Variants in PAM observed in about 807,000 individuals in gnomAD.
PAM encodes the protein peptidylglycine alpha-amidating monooxygenase.
In PAM, 72 loss-of-function variants were observed where a neutral mutation model predicts 122.1. The ratio of observed to expected loss-of-function variants is 0.59; its 90% CI spans 0.49 to 0.72. The LOEUF is 0.72. Ranked by LOEUF, PAM falls within the 30% of genes least tolerant of loss-of-function variation. The pLI is 0.00. For synonymous variants in PAM, 389 were observed against 404.4 expected (o/e 0.96, Z 0.46); for missense variants, 1,106 against 1,183.7 (o/e 0.93, Z 0.96).
intron 1 of PAM, among the ~76,000 whole-genome samples, chr5:102,828,870 A>G (rs562895116): frequency 6.6e-6 from 1 of 151,222 alleles, no homozygotes; most frequent in African/African-American, 2.4e-5. Context: ...CTGAAAATAT[A>G]TATGACTTAA....
At chr5:102,852,494 T>C (rs931296272) in intron 1 of PAM, among the ~76,000 whole-genome samples, 2 of 152,150 alleles carry the variant, frequency 1.3e-5, no homozygotes, top group African/African-American at 4.8e-5. Context: ...TAACGGTTTC[T>C]GGTTGGGATT....
intron 3 of PAM, among the ~76,000 whole-genome samples, chr5:102,881,934 T>A (rs1474402790): frequency 1.3e-5 from 2 of 150,298 alleles, no homozygotes; most frequent in Non-Finnish European, 3.0e-5. Context: ...GAACATATGA[T>A]GTTTGGTTTT....
intron 7 of PAM, among the ~76,000 whole-genome samples, chr5:102,929,941 C>A (rs969456272): frequency 1.3e-5 from 2 of 151,174 alleles, no homozygotes; most frequent in African/African-American, 4.9e-5. Flanking sequence ...CAAGACAATT[C>A]TTCTTCCAAT....
At position 102,803,751 on chromosome 5, in the gene PAM, A is replaced by G. The variant is rs146980586; in HGVS notation, c.-374+48403A>G. 6.9e-3 allele frequency among the ~76,000 whole-genome samples: 1,054 copies of G among 152,344 alleles called. 9 individuals are homozygous for G. The highest frequency in any genetic ancestry group is 0.013 in the Non-Finnish European group (880 of 68,028). On this transcript the variant is annotated intron_variant, in intron 1 of 25. Transcript: ENST00000438793. The stretch of plus-strand genomic sequence containing the variant: ...ATAGGATATAATAAATTTTGTATTT[A>G]TTTATTGAATAAGTATTTATTGAGG...
intron 3 of PAM, among the ~76,000 whole-genome samples, chr5:102,900,296 A>G (rs2151392447): frequency 6.6e-6 from 1 of 150,884 alleles, no homozygotes; most frequent in African/African-American, 2.4e-5. Context: ...AATCAGCACA[A>G]ATCCTTATTA....
chr5:102,876,183 T>C (rs1009284405), intron 3 of PAM, among the ~76,000 whole-genome samples: 2 of 152,202 alleles, frequency 1.3e-5, no homozygotes, highest in African/African-American at 4.8e-5. Flanking sequence ...AACAATATGC[T>C]AGTAAATTCT....
At chr5:102,785,981 T>A (rs1760422255) in intron 1 of PAM, among the ~76,000 whole-genome samples, 1 of 152,214 alleles carries the variant, frequency 6.6e-6, no homozygotes, top group Non-Finnish European at 1.5e-5. Flanking sequence ...ATCTCTTACA[T>A]TGGATCATTT....
At chr5:102,968,919 A>G (rs1242563781) in intron 14 of PAM, among the ~76,000 whole-genome samples, 3 of 152,224 alleles carry the variant, frequency 2.0e-5, no homozygotes, top group Admixed American at 6.5e-5. Context: ...ATAAAAAAGG[A>G]TGAGTTCATG....
intron 3 of PAM, among the ~76,000 whole-genome samples, chr5:102,887,227 T>C (rs1197093925): frequency 6.6e-6 from 1 of 151,952 alleles, no homozygotes. Flanking sequence ...TGCCCTCACA[T>C]GGGGGTGAGT....
chr5:102,874,713 A>G, intron 3 of PAM, among the ~76,000 whole-genome samples: 1 of 152,116 alleles, frequency 6.6e-6, no homozygotes, highest in East Asian at 1.9e-4. Flanking sequence ...TATTTTCTCA[A>G]TAAGGTTCAG....
chr5:102,868,581 G>A (rs1287549730), intron 3 of PAM, among the ~76,000 whole-genome samples: 4 of 152,196 alleles, frequency 2.6e-5, no homozygotes, highest in Admixed American at 2.6e-4. Flanking sequence ...ATGAGATTGA[G>A]ACTAGGAGAG....
At chr5:102,973,051 A>T (rs746074419) in intron 14 of PAM, among the ~76,000 whole-genome samples, 6 of 152,250 alleles carry the variant, frequency 3.9e-5, no homozygotes, top group Non-Finnish European at 8.8e-5. Flanking sequence ...CCTAATGGTC[A>T]TGAAAAGAGA....
intron 1 of PAM, among the ~76,000 whole-genome samples, chr5:102,789,887 T>A (rs898923258): frequency 1.3e-5 from 2 of 152,078 alleles, no homozygotes; most frequent in African/African-American, 4.8e-5. Flanking sequence ...GAAAAGAAAC[T>A]AACAAGACAA....
At chr5:102,813,124 T>C (rs916247729) in intron 1 of PAM, among the ~76,000 whole-genome samples, 4 of 151,976 alleles carry the variant, frequency 2.6e-5, no homozygotes, top group African/African-American at 7.2e-5. Context: ...ATAGAAGAGA[T>C]TGTTTAATCT....
At position 102,919,263 on chromosome 5, in the gene PAM, T is replaced by C. The variant is rs2151640065; in HGVS notation, c.356+5242T>C. On this transcript the variant is annotated intron_variant, in intron 5 of 25. Coordinates refer to ENST00000438793, the MANE Select transcript of PAM (RefSeq NM_001177306.2). ...AAGAAAAAGGAGATAAAACATTATA[T>C]ATATATATATGCCTGTATGAGAGAT... Among the ~76,000 whole-genome samples, 2 of 152,214 alleles carry C rather than the reference T, an allele frequency of 1.3e-5. 1 individual carries two copies. Among genetic ancestry groups the C allele is most frequent in the South Asian group, 4.1e-4 (2 of 4,824 alleles).
intron 7 of PAM, among the ~76,000 whole-genome samples, chr5:102,929,810 T>C (rs554302654): frequency 6.6e-6 from 1 of 152,248 alleles, no homozygotes; most frequent in Non-Finnish European, 1.5e-5. Context: ...CAGCTTTGAA[T>C]GCGGCCCAAC....
intron 1 of PAM, among the ~76,000 whole-genome samples, chr5:102,769,273 G>A (rs773877149): frequency 6.6e-6 from 1 of 151,960 alleles, no homozygotes; most frequent in Non-Finnish European, 1.5e-5. Flanking sequence ...GATGGATAGT[G>A]TGCAAATATT....
intron 15 of PAM, among the ~76,000 whole-genome samples, chr5:102,976,927 A>C (rs1324460020): frequency 6.6e-6 from 1 of 152,138 alleles, no homozygotes; most frequent in Admixed American, 6.5e-5. Context: ...ATTAAGATAA[A>C]CTTCCCAAGA....
chr5:102,760,218 G>T (rs529724208), intron 1 of PAM, among the ~76,000 whole-genome samples: 43 of 152,282 alleles, frequency 2.8e-4, no homozygotes, highest in African/African-American at 1.0e-3. Context: ...CCTAAGCTCA[G>T]GGTTCCCCTC....
Sources: allele counts gnomAD v4.1 joint callset (sites outside exome capture counted in the v4.1 genomes callset), GRCh38; gene constraint gnomAD v4.1.1; transcripts MANE v1.5; gene names NCBI Gene and HGNC (gene_info 2026-07-23, HGNC 2026-07-21).